Variants in HAUS1 observed in about 807,000 individuals in gnomAD.
HAUS1 encodes the protein HAUS augmin like complex subunit 1, also known as HAUS augmin-like complex subunit 1.
A neutral mutation model predicts 38.6 loss-of-function variants in HAUS1; 25 were observed. The observed-to-expected ratio is 0.65, with a 90% confidence interval of 0.47 to 0.91. The LOEUF (loss-of-function observed/expected upper bound fraction) is 0.91. Among genes scored for constraint, HAUS1 ranks in the 40% least tolerant of loss-of-function variants. HAUS1 has a pLI of 0.00. For synonymous variants in HAUS1, 109 were observed against 112.9 expected (o/e 0.97, Z 0.22); for missense variants, 325 against 328.4 (o/e 0.99, Z 0.08).
chr18:46,122,657 T>A, intron 5 of HAUS1, 67 bp downstream of exon 5: 1 of 1,556,980 alleles, frequency 6.4e-7, no homozygotes, highest in Non-Finnish European at 8.8e-7. Context: ...TCCTCACAGC[T>A]AGGCATTATT....
chr18:46,105,456 G>A, intron 2 of HAUS1, 88 bp downstream of exon 2: 1 of 1,115,360 alleles, frequency 9.0e-7, no homozygotes, highest in African/African-American at 1.6e-5. Context: ...ATTTACTGTA[G>A]ACTACTTGTT....
intron 2 of HAUS1, among the ~76,000 whole-genome samples, chr18:46,109,027 C>T (rs8084329): frequency 1.3e-4 from 19 of 148,120 alleles, no homozygotes; most frequent in Admixed American, 4.1e-4. Context: ...GCTGAGATCG[C>T]GCAACTGCAC....
intron 4 of HAUS1, among the ~76,000 whole-genome samples, chr18:46,120,315 A>G (rs908460996): frequency 6.6e-6 from 1 of 151,694 alleles, no homozygotes; most frequent in Non-Finnish European, 1.5e-5. Context: ...GCTCACTGCA[A>G]CCTCCACCTC....
At chr18:46,126,844 T>TATTA (rs1555698294) in intron 8 of HAUS1, 113 of 144,644 alleles carry the variant, frequency 7.8e-4, no homozygotes, top group African/African-American at 2.6e-3. Context: ...TTTATTTATT[T>TATTA]ATTATTTTGA....
At position 46,118,166 on chromosome 18, in the gene HAUS1, C is replaced by G. The variant is rs976181046; in HGVS notation, c.206-15C>G. ...AAAAGCAAACAGTCACTATGGAACT[C>G]TTTCATGTTTTTAGCCAAGTATCTT... On this transcript the variant is annotated splice_polypyrimidine_tract_variant and intron_variant, in intron 2 of 8. Transcript: ENST00000282058. 1 of 1,610,592 alleles carries G rather than the reference C, an allele frequency of 6.2e-7. No individual in the cohort carries two copies. The highest frequency in any genetic ancestry group is 8.5e-7 in the Non-Finnish European group (1 of 1,179,402).
intron 2 of HAUS1, among the ~76,000 whole-genome samples, chr18:46,110,959 C>T (rs1188442365): frequency 1.3e-5 from 2 of 148,864 alleles, no homozygotes; most frequent in Non-Finnish European, 3.0e-5. Context: ...TCACTGCAAC[C>T]TCTGCCTTCC....
intron 1 of HAUS1, 132 bp from the exon 2 acceptor site, chr18:46,105,062 A>C: frequency 1.8e-6 from 1 of 551,612 alleles, no homozygotes; most frequent in Non-Finnish European, 3.2e-6. Flanking sequence ...AAGACAAGTG[A>C]GGTTGTGAAG....
At chr18:46,120,354 C>T (rs1911902711) in intron 4 of HAUS1, among the ~76,000 whole-genome samples, 1 of 151,868 alleles carries the variant, frequency 6.6e-6, no homozygotes, top group Admixed American at 6.6e-5. Context: ...CCCGCCTCAG[C>T]CTCCCGAGTA....
At chr18:46,119,868 G>A (rs1014697820) in intron 3 of HAUS1, 58 bp from the exon 4 acceptor site, 2 of 1,408,582 alleles carry the variant, frequency 1.4e-6, no homozygotes, top group South Asian at 1.5e-5. Flanking sequence ...TTAGCAATGA[G>A]GAGTAATTAT....
intron 4 of HAUS1, among the ~76,000 whole-genome samples, chr18:46,121,412 G>A (rs1205441735): frequency 1.3e-5 from 2 of 151,876 alleles, no homozygotes; most frequent in East Asian, 1.9e-4. Context: ...GGCTGGTCTC[G>A]AACTTCATGT....
At chr18:46,112,063 CT>C (rs1276161476) in intron 2 of HAUS1, among the ~76,000 whole-genome samples, 1 of 145,296 alleles carries the variant, frequency 6.9e-6, no homozygotes, top group Non-Finnish European at 1.5e-5. Context: ...CTTTTTGTAT[CT>C]TTAGTAGAGA....
chr18:46,121,682 G>A (rs1216784661), intron 4 of HAUS1: 2 of 151,880 alleles, frequency 1.3e-5, no homozygotes, highest in Non-Finnish European at 2.9e-5. Context: ...TTTTCTCTGT[G>A]TCGTTCTAAT....
intron 3 of HAUS1, 71 bp downstream of exon 3, chr18:46,118,387 G>C: frequency 1.4e-6 from 2 of 1,443,198 alleles, no homozygotes; most frequent in Non-Finnish European, 9.5e-7. Flanking sequence ...TTTGTTCTCA[G>C]CATAATTCTA....
intron 2 of HAUS1, among the ~76,000 whole-genome samples, chr18:46,107,176 C>T (rs973878679): frequency 6.6e-6 from 1 of 152,042 alleles, no homozygotes; most frequent in Non-Finnish European, 1.5e-5. Flanking sequence ...CCCCAAAAAC[C>T]TCCCCTGTGC....
chr18:46,124,212 C>G (rs1340725865), intron 6 of HAUS1, among the ~76,000 whole-genome samples: 1 of 151,824 alleles, frequency 6.6e-6, no homozygotes, highest in Non-Finnish European at 1.5e-5. Context: ...GAGTTTGAGA[C>G]CAGCCTGGCC....
rs781046260 is a variant in HAUS1 at position 46,119,903 on chromosome 18, A to G, written c.342-23A>G. ...TAATTATTGCCCATTAAGCCCATGT[A>G]TATGACCAGATTCTTCTTTTAGTTT... is the stretch of plus-strand genomic sequence containing the variant. On this transcript the variant is annotated intron_variant, in intron 3 of 8. Coordinates refer to ENST00000282058, the MANE Select transcript of HAUS1 (RefSeq NM_138443.4). 1.1e-5 allele frequency: 17 copies of G among 1,563,014 alleles called. No homozygotes were observed. In the Admixed American group the frequency reaches 1.5e-4, roughly 14 times the overall value.
intron 2 of HAUS1, among the ~76,000 whole-genome samples, chr18:46,109,216 G>A (rs1038089871): frequency 1.3e-5 from 2 of 152,246 alleles, no homozygotes; most frequent in East Asian, 3.9e-4. Context: ...AGGAGAGAGA[G>A]ACAGAGGGCA....
chr18:46,122,565 T>G lies in HAUS1; in HGVS notation c.575T>G (p.Phe192Cys). 6.2e-7 allele frequency: 1 copy of G among 1,614,112 alleles called. No individual in the cohort carries two copies. The highest frequency in any genetic ancestry group is 8.5e-7 in the Non-Finnish European group (1 of 1,180,008). ...MDFLKAKSEE[F>C]RFGIKAAEEQ... ...TTTCTAAAAGCAAAGTCAGAGGAAT[T>G]CAGATTTGGAATCAAGGCTGCAGAG... The change falls in exon 5 of 9, where the codon TTC becomes TGC. Residue 192 changes from phenylalanine (F) to cysteine (C), a missense_variant. By Grantham distance (205) the Phe-to-Cys change is radical (BLOSUM62 -2). Transcript: ENST00000282058.
At chr18:46,105,422 A>G (rs774108333) in intron 2 of HAUS1, 54 bp downstream of exon 2, 2 of 1,463,580 alleles carry the variant, frequency 1.4e-6, no homozygotes, top group Admixed American at 2.0e-5. Flanking sequence ...ACCAAATTTT[A>G]TAACACTAAA....
Sources: allele counts gnomAD v4.1 joint callset (sites outside exome capture counted in the v4.1 genomes callset), GRCh38; gene constraint gnomAD v4.1.1; transcripts MANE v1.5; gene names NCBI Gene and HGNC (gene_info 2026-07-23, HGNC 2026-07-21).